The following DOK5 variants were observed in gnomAD, a reference collection of about 807,000 sequenced individuals.
DOK5 encodes downstream of tyrosine kinase 5.
DOK5 carries 27 observed loss-of-function variants against 43.3 expected under a neutral mutation model. That is an observed-to-expected ratio of 0.62 (90% CI 0.46 to 0.86). DOK5 has a LOEUF of 0.86. Ranked by LOEUF, DOK5 falls within the 40% of genes least tolerant of loss-of-function variation. The pLI is 0.00. For missense variants in DOK5, 373 were observed against 392.9 expected (o/e 0.95, Z 0.43); for synonymous variants, 146 against 140.1 (o/e 1.04, Z -0.30).
At chr20:54,641,386 A>G (rs763704243) in intron 6 of DOK5, among the ~76,000 whole-genome samples, 24 of 152,212 alleles carry the variant, frequency 1.6e-4, no homozygotes, top group Non-Finnish European at 2.8e-4. Context: ...TTGGTCTTCA[A>G]CATATGAAGC....
At chr20:54,518,684 C>T (rs1175904793) in intron 1 of DOK5, among the ~76,000 whole-genome samples, 1 of 152,064 alleles carries the variant, frequency 6.6e-6, no homozygotes, top group Non-Finnish European at 1.5e-5. Flanking sequence ...GTTCTAGATC[C>T]CTGAGGAATC....
chr20:54,614,627 C>T (rs932783602), intron 6 of DOK5, among the ~76,000 whole-genome samples: 3 of 152,150 alleles, frequency 2.0e-5, no homozygotes, highest in East Asian at 1.9e-4. Context: ...ATGAGTAAAT[C>T]GTTTGGATTA....
chr20:54,530,872 A>G (rs1372608277), intron 1 of DOK5, among the ~76,000 whole-genome samples: 1 of 152,152 alleles, frequency 6.6e-6, no homozygotes, highest in Non-Finnish European at 1.5e-5. Context: ...TATGACCCAC[A>G]TAAGAATATA....
At chr20:54,478,622 G>A (rs1981535853) in intron 1 of DOK5, among the ~76,000 whole-genome samples, 1 of 152,206 alleles carries the variant, frequency 6.6e-6, no homozygotes, top group Non-Finnish European at 1.5e-5. Flanking sequence ...GTAAGCAGCT[G>A]TTCCTGGTGC....
chr20:54,593,585 G>T (rs952474246), intron 5 of DOK5, among the ~76,000 whole-genome samples: 1 of 152,106 alleles, frequency 6.6e-6, no homozygotes, highest in African/African-American at 2.4e-5. Flanking sequence ...CAAGCACTTC[G>T]GGAGGCCAAC....
chr20:54,489,924 C>A (rs1391775024), intron 1 of DOK5, among the ~76,000 whole-genome samples: 3 of 152,164 alleles, frequency 2.0e-5, no homozygotes, highest in Non-Finnish European at 4.4e-5. Flanking sequence ...TGTTCTCCAG[C>A]AGTGGACAAG....
At chr20:54,604,158 G>A (rs940741725) in intron 5 of DOK5, among the ~76,000 whole-genome samples, 3 of 151,874 alleles carry the variant, frequency 2.0e-5, no homozygotes, top group African/African-American at 7.3e-5. Context: ...GTGTTAGCCA[G>A]GATGGTCTCG....
At chr20:54,610,340 C>T in intron 5 of DOK5, 48 bp from the exon 6 acceptor site, 1 of 1,448,676 alleles carries the variant, frequency 6.9e-7, no homozygotes, top group South Asian at 1.6e-5. Flanking sequence ...GTGCATTGAA[C>T]TTCTAGGCGC....
At chr20:54,543,191 C>A (rs1319359124) in intron 1 of DOK5, among the ~76,000 whole-genome samples, 1 of 152,088 alleles carries the variant, frequency 6.6e-6, no homozygotes, top group African/African-American at 2.4e-5. Flanking sequence ...TTCTACTTAA[C>A]TCATTAATTA....
At chr20:54,516,550 G>C (rs138951110) in intron 1 of DOK5, among the ~76,000 whole-genome samples, 4 of 152,254 alleles carry the variant, frequency 2.6e-5, no homozygotes, top group East Asian at 1.9e-4. Flanking sequence ...TATCTGAACT[G>C]TGTGTTCCCC....
chr20:54,618,551 G>A (rs1172571737), intron 6 of DOK5, among the ~76,000 whole-genome samples: 2 of 151,994 alleles, frequency 1.3e-5, no homozygotes, highest in African/African-American at 4.8e-5. Flanking sequence ...CACTATGTTG[G>A]CCAGACTGGC....
At chr20:54,648,149 G>T (rs1979525630) in intron 7 of DOK5, among the ~76,000 whole-genome samples, 1 of 152,170 alleles carries the variant, frequency 6.6e-6, no homozygotes. Context: ...TATCTAGTAA[G>T]TAACAAAGAT....
At chr20:54,622,794 C>G (rs1254889138) in intron 6 of DOK5, among the ~76,000 whole-genome samples, 1 of 152,040 alleles carries the variant, frequency 6.6e-6, no homozygotes, top group Non-Finnish European at 1.5e-5. Flanking sequence ...GTGAGTAATC[C>G]TATTTCCCAG....
At chr20:54,512,234 C>A (rs1180724617) in intron 1 of DOK5, among the ~76,000 whole-genome samples, 1 of 152,126 alleles carries the variant, frequency 6.6e-6, no homozygotes, top group African/African-American at 2.4e-5. Flanking sequence ...GCAAAATATA[C>A]CTATTCAGAG....
intron 6 of DOK5, among the ~76,000 whole-genome samples, chr20:54,630,664 T>C (rs1218006084): frequency 1.3e-5 from 2 of 152,226 alleles, no homozygotes; most frequent in East Asian, 3.8e-4. Context: ...GATCGTTTCA[T>C]ATCACTGCAC....
At chr20:54,612,967 A>C (rs553560246) in intron 6 of DOK5, among the ~76,000 whole-genome samples, 4 of 152,332 alleles carry the variant, frequency 2.6e-5, no homozygotes, top group African/African-American at 9.6e-5. Flanking sequence ...GACCCCTCTT[A>C]AAGTTTAAGT....
intron 7 of DOK5, among the ~76,000 whole-genome samples, chr20:54,644,298 G>A (rs1057381528): frequency 6.6e-6 from 1 of 152,208 alleles, no homozygotes; most frequent in Non-Finnish European, 1.5e-5. Context: ...ATGGCCAGGC[G>A]TGGTGGCTCA....
At chr20:54,493,299 T>C (rs1982264978) in intron 1 of DOK5, among the ~76,000 whole-genome samples, 1 of 152,104 alleles carries the variant, frequency 6.6e-6, no homozygotes, top group Non-Finnish European at 1.5e-5. Flanking sequence ...CACACCATAC[T>C]ACCCAAAATC....
At chr20:54,548,956 C>T (rs530224482) in intron 1 of DOK5, among the ~76,000 whole-genome samples, 3 of 152,238 alleles carry the variant, frequency 2.0e-5, no homozygotes, top group South Asian at 4.1e-4. Context: ...TTTAGTTTAA[C>T]GGATTACATT....
Sources: gnomAD v4.1 joint callset for allele counts (sites outside exome capture counted in the v4.1 genomes callset) on GRCh38, gnomAD v4.1.1 for gene constraint, MANE v1.5 for transcripts, NCBI Gene and HGNC (gene_info 2026-07-23, HGNC 2026-07-21) for gene names.